The following MCAT variants were observed in gnomAD, a reference collection of about 807,000 sequenced individuals.
MCAT encodes the protein malonyl-CoA-acyl carrier protein transacylase, mitochondrial.
MCAT carries 22 observed loss-of-function variants against 22.9 expected under a neutral mutation model. The observed-to-expected ratio is 0.96, with a 90% CI of 0.69 to 1.37. MCAT has a LOEUF of 1.37. Among genes scored for constraint, MCAT ranks in the 40% most tolerant of loss-of-function variants. The probability of loss-of-function intolerance (pLI) is 0.00; values close to 1 mark genes in which losing one functional copy is unlikely to be tolerated. For synonymous variants in MCAT, 240 were observed against 233.9 expected (o/e 1.03, Z -0.24); for missense variants, 534 against 533.6 (o/e 1.00, Z -0.01).
chr22:43,142,849 G>A (rs1037201305), intron 1 of MCAT, 77 bp downstream of exon 1: 60 of 1,372,628 alleles, frequency 4.4e-5, no homozygotes, highest in Admixed American at 1.0e-4. Flanking sequence ...CGGAATGGCA[G>A]GCGGAAGCCT....
intron 1 of MCAT, 22 bp downstream of exon 1, chr22:43,142,903 TG>T: frequency 6.7e-7 from 1 of 1,493,184 alleles, no homozygotes; most frequent in Non-Finnish European, 8.9e-7. Flanking sequence ...TTCCCCCTCC[TG>T]TCACGGGGCC....
chr22:43,143,353 G>T lies in MCAT; in HGVS notation c.-5C>A, dbSNP rs757779713. On this transcript the variant is annotated 5_prime_UTR_variant, in exon 1 of 4. Transcript: ENST00000290429. ...CCGTGCGACCCGGACGCTCATGGTC[G>T]GACACCTGCCCGCGCGCGTTACCGT... 3 of 1,363,714 alleles carry T rather than the reference G, an allele frequency of 2.2e-6. 1 individual carries two copies. The South Asian group carries it at 5.3e-5, about 24-fold the overall frequency. 84.5% of individuals were successfully genotyped at this position (1,363,714 alleles called of 1,614,324 possible). A position where few individuals can be genotyped will look rare whatever the true frequency, so the allele number is the denominator to read the frequency against.
rs1334483042 is a variant in MCAT at position 43,143,270 on chromosome 22, C to T, written c.79G>A (p.Val27Met). The change falls in exon 1 of 4, where the codon GTG becomes ATG. Residue 27 changes from valine to methionine, a missense_variant. Physicochemically the swap from Val to Met is conservative, Grantham distance 21. Transcript: ENST00000290429. The stretch of plus-strand genomic sequence containing the variant: ...ACACCCTGGGCGCCCGGCGGAGGCA[C>T]CGGGAAGCTCGAGGCGCCGCGGCGG... Reference protein sequence around the residue: ...SYRRGASSFPVPPPGAQGVAE... With the variant: ...SYRRGASSFPMPPPGAQGVAE... 1 of 1,441,080 alleles carries T rather than the reference C, an allele frequency of 6.9e-7. No homozygotes were observed. Among genetic ancestry groups the T allele is most frequent in the South Asian group, 1.4e-5 (1 of 70,912 alleles). 89.3% of individuals were successfully genotyped at this position (1,441,080 alleles called of 1,614,324 possible).
intron 3 of MCAT, among the ~76,000 whole-genome samples, chr22:43,135,194 G>A (rs188786060): frequency 1.3e-5 from 2 of 152,354 alleles, no homozygotes; most frequent in East Asian, 3.9e-4. Context: ...GCTCTTTGCT[G>A]TGGCACTACC....
chr22:43,143,355 A>T lies in MCAT; in HGVS notation c.-7T>A. The T allele has an allele frequency of 1.5e-6, 2 of 1,359,876 alleles. No individual in the cohort carries two copies. The highest frequency in any genetic ancestry group is 1.9e-6 in the Non-Finnish European group (2 of 1,062,522). 84.2% of individuals were successfully genotyped at this position (1,359,876 alleles called of 1,614,324 possible). On this transcript the variant is annotated 5_prime_UTR_variant, in exon 1 of 4. Coordinates refer to ENST00000290429, the MANE Select transcript of MCAT (RefSeq NM_173467.5). Reference sequence around the variant, plus strand: ...GTGCGACCCGGACGCTCATGGTCGGACACCTGCCCGCGCGCGTTACCGTGG... The same window carrying T: ...GTGCGACCCGGACGCTCATGGTCGGTCACCTGCCCGCGCGCGTTACCGTGG...
rs563850847 is a variant in MCAT, at chr22:43,137,009, C to T, written c.729+72G>A. 1.1e-5 allele frequency: 15 copies of T among 1,338,940 alleles called. No individual in the cohort carries two copies. In the East Asian group the frequency reaches 2.8e-4, roughly 25 times the overall value. 82.9% of individuals were successfully genotyped at this position (1,338,940 alleles called of 1,614,324 possible). On this transcript the variant is annotated intron_variant, in intron 3 of 3. Transcript: ENST00000290429. ...CCCAGCACCCGCCAGACTGCTAGGC[C>T]TCACGGGTGTGGAGCAGTTCCAACC...
chr22:43,142,872 A>G (rs1331016025), intron 1 of MCAT, 54 bp downstream of exon 1: 50 of 1,423,950 alleles, frequency 3.5e-5, no homozygotes, highest in Non-Finnish European at 4.6e-5. Context: ...GGCAGGGCCA[A>G]GAGCTCAGGC....
chr22:43,143,052 G>A lies in MCAT; in HGVS notation c.297C>T (p.Gly99=). The change falls in exon 1 of 4, where the codon GGC becomes GGT. Residue 99 remains glycine, a synonymous_variant. Transcript: ENST00000290429. ...GCAGGCTCAGTTCCAGCAGGTCGTA[G>A]CCCAGCACGCGGCGGGCGGCGGCGT... The part of the protein sequence containing the change: ...ELYAAARRVL[G]YDLLELSLHG... 1 of 1,610,406 alleles carries A rather than the reference G, an allele frequency of 6.2e-7. No individual in the cohort carries two copies. Among genetic ancestry groups the A allele is most frequent in the Admixed American group, 1.7e-5 (1 of 59,826 alleles).
At chr22:43,134,025 C>T (rs372640074) in intron 3 of MCAT, among the ~76,000 whole-genome samples, 1 of 152,136 alleles carries the variant, frequency 6.6e-6, no homozygotes, top group Non-Finnish European at 1.5e-5. Context: ...TTCGGCCTCC[C>T]AAAGTGCTGG....
In MCAT at chr22:43,135,281, TC is replaced by T; in HGVS notation, c.730-1796del. On this transcript the variant is annotated intron_variant, in intron 3 of 3. Transcript: ENST00000290429. ...ACTTTGGGAGGCCGAGGTGGGCAGA[TC>T]ACCTGAGGTCAGGGGTTCAAGACCA... 1.3e-5 allele frequency among the ~76,000 whole-genome samples: 2 copies of T among 152,288 alleles called. 1 individual carries two copies. Among genetic ancestry groups the T allele is most frequent in the South Asian group, 4.1e-4 (2 of 4,826 alleles).
At chr22:43,135,888 C>T (rs148593535) in intron 3 of MCAT, among the ~76,000 whole-genome samples, 70 of 152,300 alleles carry the variant, frequency 4.6e-4, no homozygotes, top group African/African-American at 1.7e-3. Context: ...TCTGCCTCTA[C>T]TATCCCCAAG....
Position 43,143,081 on chromosome 22 carries a change from G to GTTGGCGGGCGGCGGCGTAGAT in MCAT, c.267_268insATCTACGCCGCCGCCCGCCAA (p.Glu89_Leu90insIleTyrAlaAlaAlaArgGln). The GTTGGCGGGCGGCGGCGTAGAT allele has an allele frequency of 1.2e-6, 2 of 1,607,994 alleles. No individual in the cohort carries two copies. The highest frequency in any genetic ancestry group is 2.2e-5 in the South Asian group (2 of 90,814). ...AGCACGCGGCGGGCGGCGGCGTAGA[G>GTTGGCGGGCGGCGGCGTAGAT]TTCGCGGACGCGCGGGTAGTTGAGC... On this transcript the variant is annotated inframe_insertion, in exon 1 of 4. Transcript: ENST00000290429.
chr22:43,136,940 C>T, intron 3 of MCAT, 141 bp downstream of exon 3: 1 of 736,184 alleles, frequency 1.4e-6, no homozygotes, highest in Non-Finnish European at 2.4e-6. Context: ...CTCGGTCTAC[C>T]TCACTGCCCT....
chr22:43,142,799 A>AACAAAAC lies in MCAT; in HGVS notation c.423+126_423+127insGTTTTGT, dbSNP rs1555974821. Reference sequence around the variant, plus strand: ...CAAAAAAAAAAACAAAAACAAACAAAAAAAAAAACTCGATCGAATGAGTAA... The same window carrying AACAAAAC: ...CAAAAAAAAAAACAAAAACAAACAAAACAAAACAAAAAAAACTCGATCGAATGAGTAA... On this transcript the variant is annotated intron_variant, in intron 1 of 3. Transcript: ENST00000290429. 10 of 1,077,306 alleles carry AACAAAAC rather than the reference A, an allele frequency of 9.3e-6. No homozygotes were observed. In the African/African-American group the frequency reaches 1.3e-4, roughly 15 times the overall value. 66.7% of individuals were successfully genotyped at this position (1,077,306 alleles called of 1,614,324 possible). A position where few individuals can be genotyped will look rare whatever the true frequency, so the allele number is the denominator to read the frequency against.
At chr22:43,138,053 G>A (rs372357638) in intron 2 of MCAT, among the ~76,000 whole-genome samples, 87 of 152,074 alleles carry the variant, frequency 5.7e-4, no homozygotes, top group Middle Eastern at 3.4e-3. Flanking sequence ...GGGAGACCCT[G>A]TCCCTGCAAA....
In MCAT at chr22:43,137,924, T is replaced by G. The variant is rs1404311654; in HGVS notation, c.512-626A>C. Among the ~76,000 whole-genome samples, 3 of 152,138 alleles carry G rather than the reference T, an allele frequency of 2.0e-5. No individual in the cohort carries two copies. In the South Asian group the frequency reaches 6.2e-4, roughly 31 times the overall value. ...GTGAAAGCTGGGAATTATTATTAGT[T>G]AGTTTATTAAGAGAGATCAGGCCGG... On this transcript the variant is annotated intron_variant, in intron 2 of 3. Transcript: ENST00000290429.
At chr22:43,136,909 G>A (rs572632219) in intron 3 of MCAT, among the ~76,000 whole-genome samples, 172 bp downstream of exon 3, 1 of 152,272 alleles carries the variant, frequency 6.6e-6, no homozygotes, top group East Asian at 1.9e-4. Flanking sequence ...CAGCATTCTT[G>A]CTCCTGCCTG....
intron 3 of MCAT, among the ~76,000 whole-genome samples, chr22:43,134,487 A>G (rs2147032342): frequency 6.6e-6 from 1 of 152,294 alleles, no homozygotes; most frequent in Non-Finnish European, 1.5e-5. Context: ...AGCTGGGACT[A>G]TAAGCATGTA....
intron 2 of MCAT, among the ~76,000 whole-genome samples, chr22:43,138,417 A>G (rs1930681133): frequency 6.6e-6 from 1 of 152,200 alleles, no homozygotes; most frequent in African/African-American, 2.4e-5. Context: ...GCATGGAGAG[A>G]GGGCAGGCAG....
Sources: gnomAD v4.1 joint callset for allele counts (sites outside exome capture counted in the v4.1 genomes callset) on GRCh38, gnomAD v4.1.1 for gene constraint, MANE v1.5 for transcripts, NCBI Gene and HGNC (gene_info 2026-07-23, HGNC 2026-07-21) for gene names.